Variants in FOXN3 observed in about 807,000 individuals in gnomAD.
FOXN3 encodes the protein forkhead box protein N3.
Under a neutral mutation model 38.4 loss-of-function variants are expected in FOXN3, and 7 were observed. The observed-to-expected ratio is 0.18, with a 90% CI of 0.10 to 0.34. The LOEUF (loss-of-function observed/expected upper bound fraction) is 0.34. FOXN3 is among the 10% of genes least tolerant of loss of function. The pLI is 1.00. For missense variants in FOXN3, 456 were observed against 613.4 expected (o/e 0.74, Z 2.71); for synonymous variants, 230 against 242.2 (o/e 0.95, Z 0.47).
chr14:89,184,758 C>T (rs534960354), intron 4 of FOXN3, among the ~76,000 whole-genome samples: 5 of 152,334 alleles, frequency 3.3e-5, no homozygotes, highest in East Asian at 3.9e-4. Flanking sequence ...GCTAGGTCAA[C>T]GGCTTAGCTC....
rs1436546474 is a variant in FOXN3 at position 89,161,598 on chromosome 14, C to CGT, written c.*814_*815dup. On this transcript the variant is annotated 3_prime_UTR_variant, in exon 6 of 6. Transcript: ENST00000557258. ...GTGTGTGTGTGTGTGTGTGTGTGTG[C>CGT]GTGCGTGCACAGGGCCAATCTTCAG... 2.3e-5 allele frequency: 2 copies of CGT among 88,130 alleles called. No homozygotes were observed. Among genetic ancestry groups the CGT allele is most frequent in the African/African-American group, 3.4e-5 (1 of 29,754 alleles). 5.5% of individuals were successfully genotyped at this position (88,130 alleles called of 1,614,324 possible).
intron 2 of FOXN3, among the ~76,000 whole-genome samples, chr14:89,406,676 A>G (rs1377732351): frequency 2.6e-5 from 4 of 152,240 alleles, no homozygotes; most frequent in Non-Finnish European, 5.9e-5. Flanking sequence ...TTGTATTTAA[A>G]GCACTCAGCT....
intron 1 of FOXN3, among the ~76,000 whole-genome samples, chr14:89,414,840 C>T (rs1360287526): frequency 1.3e-5 from 2 of 152,110 alleles, no homozygotes; most frequent in East Asian, 1.9e-4. Flanking sequence ...CGTGAGCCAC[C>T]GCGCCTGGCC....
intron 4 of FOXN3, among the ~76,000 whole-genome samples, chr14:89,241,814 T>G (rs548391813): frequency 6.6e-6 from 1 of 152,240 alleles, no homozygotes; most frequent in South Asian, 2.1e-4. Context: ...AGTCTCTGTC[T>G]CTCTCAAGAA....
chr14:89,616,857 C>T (rs1566719524), intron 1 of FOXN3, among the ~76,000 whole-genome samples: 1 of 152,120 alleles, frequency 6.6e-6, no homozygotes, highest in African/African-American at 2.4e-5. Flanking sequence ...ATATTTCCAA[C>T]AAAAATACAG....
At chr14:89,275,233 T>C (rs2139909464) in intron 4 of FOXN3, among the ~76,000 whole-genome samples, 1 of 152,276 alleles carries the variant, frequency 6.6e-6, no homozygotes, top group Non-Finnish European at 1.5e-5. Flanking sequence ...TGTTTGGGGA[T>C]GGGTATCTTC....
intron 1 of FOXN3, among the ~76,000 whole-genome samples, chr14:89,582,289 T>G (rs1895756690): frequency 6.6e-6 from 1 of 152,170 alleles, no homozygotes; most frequent in Non-Finnish European, 1.5e-5. Flanking sequence ...ATGTCCAAAA[T>G]GAAACTCATC....
chr14:89,321,443 G>T (rs375925883), intron 3 of FOXN3, among the ~76,000 whole-genome samples: 8 of 152,058 alleles, frequency 5.3e-5, no homozygotes, highest in African/African-American at 1.7e-4. Context: ...AGGAGCGATG[G>T]TAGGCGCTTG....
intron 4 of FOXN3, among the ~76,000 whole-genome samples, chr14:89,195,789 C>T (rs1271026646): frequency 2.0e-5 from 3 of 152,198 alleles, no homozygotes. Context: ...TACGAGAGAA[C>T]AAGCAAGTGC....
chr14:89,242,409 C>T (rs1885166834), intron 4 of FOXN3, among the ~76,000 whole-genome samples: 1 of 152,046 alleles, frequency 6.6e-6, no homozygotes, highest in Non-Finnish European at 1.5e-5. Flanking sequence ...CTGTATAAAT[C>T]TCCATCAGTA....
intron 2 of FOXN3, among the ~76,000 whole-genome samples, chr14:89,359,874 G>A (rs1333215346): frequency 6.6e-6 from 1 of 152,158 alleles, no homozygotes; most frequent in East Asian, 1.9e-4. Flanking sequence ...GGGGCAGCTG[G>A]GCCTCTGAGG....
intron 1 of FOXN3, among the ~76,000 whole-genome samples, chr14:89,594,239 C>T (rs1341719283): frequency 6.6e-6 from 1 of 152,216 alleles, no homozygotes; most frequent in Non-Finnish European, 1.5e-5. Context: ...GATAGAACTA[C>T]TGACTTACAG....
At chr14:89,549,978 C>T (rs1894968112) in intron 1 of FOXN3, among the ~76,000 whole-genome samples, 2 of 152,228 alleles carry the variant, frequency 1.3e-5, no homozygotes, top group Admixed American at 1.3e-4. Context: ...AGTGCGATGC[C>T]TGTGAGCCAT....
At chr14:89,284,174 A>AT (rs968755681) in intron 3 of FOXN3, among the ~76,000 whole-genome samples, 37 of 149,176 alleles carry the variant, frequency 2.5e-4, no homozygotes, top group Admixed American at 8.7e-4. Flanking sequence ...TGACCCATCC[A>AT]TTTTTTTTTT....
intron 3 of FOXN3, among the ~76,000 whole-genome samples, chr14:89,321,792 CTT>C (rs111889428): frequency 4.9e-5 from 7 of 143,876 alleles, no homozygotes; most frequent in African/African-American, 2.5e-5. Context: ...TTCTTCTTTC[CTT>C]TTTTTTTTTT....
intron 4 of FOXN3, among the ~76,000 whole-genome samples, chr14:89,202,274 T>C (rs1413686467): frequency 6.6e-6 from 1 of 152,204 alleles, no homozygotes; most frequent in Non-Finnish European, 1.5e-5. Context: ...TTCCCACACC[T>C]GACACCTGCC....
intron 1 of FOXN3, among the ~76,000 whole-genome samples, chr14:89,496,363 G>C (rs1893684131): frequency 1.0e-5 from 1 of 96,546 alleles, no homozygotes; most frequent in South Asian, 2.6e-4. Context: ...CTTCTCCCAA[G>C]GCTTTAGGAG....
intron 3 of FOXN3, among the ~76,000 whole-genome samples, chr14:89,331,744 A>G (rs978298595): frequency 6.6e-6 from 1 of 152,248 alleles, no homozygotes; most frequent in African/African-American, 2.4e-5. Context: ...CATAACTGAA[A>G]CAAAGGTTTC....
chr14:89,198,400 T>A (rs1267196580), intron 4 of FOXN3, among the ~76,000 whole-genome samples: 1 of 152,064 alleles, frequency 6.6e-6, no homozygotes. Flanking sequence ...CTGGAACCAA[T>A]CCCCCATGGA....
Sources: allele counts gnomAD v4.1 joint callset (sites outside exome capture counted in the v4.1 genomes callset), GRCh38; gene constraint gnomAD v4.1.1; transcripts MANE v1.5; gene names NCBI Gene and HGNC (gene_info 2026-07-23, HGNC 2026-07-21).